ATP5MC2: variants seen among roughly 807,000 people sequenced by gnomAD.
The protein encoded by ATP5MC2 is ATP synthase F(0) complex subunit C2, mitochondrial.
Under a neutral mutation model 13.5 loss-of-function variants are expected in ATP5MC2, and 11 were observed. The ratio of observed to expected loss-of-function variants is 0.81; its 90% confidence interval spans 0.51 to 1.35. The LOEUF is 1.35. Ranked by LOEUF, ATP5MC2 falls within the 40% of genes most tolerant of loss-of-function variation. The pLI is 0.00. For synonymous variants in ATP5MC2, 64 were observed against 69.7 expected (o/e 0.92, Z 0.41); for missense variants, 132 against 175.0 (o/e 0.75, Z 1.39).
At chr12:53,667,952 C>CATATATATAT (rs71068162) in intron 4 of ATP5MC2, among the ~76,000 whole-genome samples, 2 of 110,742 alleles carry the variant, frequency 1.8e-5, no homozygotes, top group African/African-American at 6.5e-5. Context: ...CATACATACA[C>CATATATATAT]ACACATATAT....
In ATP5MC2 at chr12:53,666,973, T is replaced by C. The variant is rs192448220; in HGVS notation, c.312-1545A>G. Among the ~76,000 whole-genome samples, 68 of 144,890 alleles carry C rather than the reference T, an allele frequency of 4.7e-4. 1 individual carries two copies. Among genetic ancestry groups the C allele is most frequent in the Middle Eastern group, 3.7e-3 (1 of 268 alleles). On this transcript the variant is annotated intron_variant, in intron 4 of 4. Transcript: ENST00000394349. ...AAAAAAAAAAAAAAGAAGTTACAAA[T>C]GGTCTATGGGGTTTATGAGTTGAAG...
upstream of ATP5MC2, among the ~76,000 whole-genome samples, chr12:53,679,883 G>C (rs181106728): frequency 1.6e-4 from 24 of 152,368 alleles, no homozygotes; most frequent in Admixed American, 1.5e-3. Flanking sequence ...TGGTATCCAG[G>C]CTTCTGAGGG....
At chr12:53,675,475 G>C (rs1945236279) in intron 1 of ATP5MC2, among the ~76,000 whole-genome samples, 1 of 152,160 alleles carries the variant, frequency 6.6e-6, no homozygotes, top group Admixed American at 6.5e-5. Flanking sequence ...TTCTGCCTTA[G>C]CTATCCCAAG....
At chr12:53,677,118 A>C (rs1194615588), upstream of ATP5MC2, 1 of 152,350 alleles carries the variant, frequency 6.6e-6, no homozygotes, top group Non-Finnish European at 1.5e-5. Context: ...GGCTGTAAAT[A>C]AAGGCAAATC....
chr12:53,680,807 G>A (rs1027872051), upstream of ATP5MC2, among the ~76,000 whole-genome samples: 2 of 152,104 alleles, frequency 1.3e-5, no homozygotes, highest in African/African-American at 4.8e-5. Context: ...TTGGTGTTGA[G>A]GACACAGGCG....
chr12:53,672,101 A>AAATAAAATAAAATAAAATAAAATAAAAT (rs1945114921), intron 2 of ATP5MC2, among the ~76,000 whole-genome samples: 1 of 150,464 alleles, frequency 6.6e-6, no homozygotes, highest in African/African-American at 2.5e-5. Context: ...AAAAAAAAAA[A>AAATAAAATAAAATAAAATAAAATAAAAT]AAAATTAACT....
chr12:53,676,000 G>C lies in ATP5MC2; in HGVS notation c.-32+53C>G, dbSNP rs909760226. On this transcript the variant is annotated intron_variant, in intron 1 of 4. Transcript: ENST00000394349. ...CCTCAAAGCATCCGCGCAAGGTGAG[G>C]TGTCCCGCGCGCGTGCGCAGCGCAC... The C allele has an allele frequency of 2.1e-4, 335 of 1,594,674 alleles. 2 individuals carry two copies. The highest frequency in any genetic ancestry group is 1.7e-5 in the Non-Finnish European group (20 of 1,170,670).
chr12:53,675,907 C>T, intron 1 of ATP5MC2, 146 bp downstream of exon 1: 2 of 1,288,264 alleles, frequency 1.6e-6, no homozygotes, highest in Non-Finnish European at 2.1e-6. Flanking sequence ...AGAGCCAACT[C>T]TAAGGCTAAG....
At chr12:53,680,990 T>C (rs1449296201), upstream of ATP5MC2, among the ~76,000 whole-genome samples, 1 of 152,070 alleles carries the variant, frequency 6.6e-6, no homozygotes, top group Non-Finnish European at 1.5e-5. Flanking sequence ...CACTGCAACC[T>C]CCGCCTCCTG....
intron 4 of ATP5MC2, among the ~76,000 whole-genome samples, chr12:53,665,817 A>C (rs900174911): frequency 2.0e-5 from 3 of 152,172 alleles, no homozygotes; most frequent in Admixed American, 2.0e-4. Flanking sequence ...TAAACATCTA[A>C]AAGCCAAACT....
chr12:53,672,095 A>AAAAAAAAAAAAAAAAAAAT (rs1945113792), intron 2 of ATP5MC2, among the ~76,000 whole-genome samples: 1 of 150,644 alleles, frequency 6.6e-6, no homozygotes, highest in Non-Finnish European at 1.5e-5. Flanking sequence ...AAAAAAAAAA[A>AAAAAAAAAAAAAAAAAAAT]AAAAAAAAAA....
In ATP5MC2 at chr12:53,676,013, G is replaced by C. The variant is rs756996779; in HGVS notation, c.-32+40C>G. ...GCGCAAGGTGAGGTGTCCCGCGCGCGTGCGCAGCGCACAGAGGGCTCTAGG... is the reference window on the plus strand; with the variant it reads ...GCGCAAGGTGAGGTGTCCCGCGCGCCTGCGCAGCGCACAGAGGGCTCTAGG... On this transcript the variant is annotated intron_variant, in intron 1 of 4. Coordinates refer to ENST00000394349, the MANE Select transcript of ATP5MC2 (RefSeq NM_005176.7). The C allele has an allele frequency of 6.9e-6, 11 of 1,600,958 alleles. No individual in the cohort carries two copies. In the Admixed American group the frequency reaches 8.6e-5, roughly 13 times the overall value.
intron 2 of ATP5MC2, among the ~76,000 whole-genome samples, chr12:53,671,169 T>C (rs578197187): frequency 6.6e-6 from 1 of 152,294 alleles, no homozygotes; most frequent in African/African-American, 2.4e-5. Context: ...AGACACATGG[T>C]GATTCATAGC....
In ATP5MC2 at chr12:53,669,900, G is replaced by C. The variant is rs1262567821; in HGVS notation, c.88C>G (p.Leu30Val). The change falls in exon 3 of 5, where the codon CTG becomes GTG. Residue 30 changes from leucine to valine, a missense_variant. Leu to Val is a conservative substitution (Grantham distance 32). Coordinates refer to ENST00000394349, the MANE Select transcript of ATP5MC2 (RefSeq NM_005176.7). ...LLSRPLSAVV[L>V]KRPEILTDES... ...TCTGTCAGTATCTCCGGTCGTTTCA[G>C]CACCACTGCAGATAGCGGACGGCTC... 1 of 1,614,022 alleles carries C rather than the reference G, an allele frequency of 6.2e-7. No individual in the cohort carries two copies. The highest frequency in any genetic ancestry group is 8.5e-7 in the Non-Finnish European group (1 of 1,179,948).
At chr12:53,670,201 C>T in intron 2 of ATP5MC2, 1 of 509,476 alleles carries the variant, frequency 2.0e-6, no homozygotes, top group Non-Finnish European at 3.7e-6. Context: ...CATAAGGGAG[C>T]ATCCAACCTT....
upstream of ATP5MC2, chr12:53,676,129 C>G (rs746301307): frequency 2.5e-6 from 4 of 1,614,238 alleles, no homozygotes. Context: ...CATGCGTGAC[C>G]CGGGCCAACG....
intron 2 of ATP5MC2, among the ~76,000 whole-genome samples, chr12:53,672,043 G>A (rs1015594584): frequency 8.3e-5 from 11 of 132,650 alleles, no homozygotes; most frequent in Non-Finnish European, 1.4e-4. Context: ...GTGGTGGATC[G>A]CGCCATTGCA....
At chr12:53,665,518 C>T in intron 4 of ATP5MC2, 90 bp from the exon 5 acceptor site, 1 of 1,062,096 alleles carries the variant, frequency 9.4e-7, no homozygotes, top group Non-Finnish European at 1.4e-6. Context: ...GAATCCCCCT[C>T]TTCAAGATTA....
At chr12:53,672,423 T>C (rs1319140895) in intron 2 of ATP5MC2, among the ~76,000 whole-genome samples, 153 bp downstream of exon 2, 1 of 152,098 alleles carries the variant, frequency 6.6e-6, no homozygotes, top group African/African-American at 2.4e-5. Flanking sequence ...GGTTTCGCCA[T>C]GTTGGCCAGG....
Sources: gnomAD v4.1 joint callset for allele counts (sites outside exome capture counted in the v4.1 genomes callset) on GRCh38, gnomAD v4.1.1 for gene constraint, MANE v1.5 for transcripts, NCBI Gene and HGNC (gene_info 2026-07-23, HGNC 2026-07-21) for gene names.